PMM2: variants seen among roughly 807,000 people sequenced by gnomAD.
PMM2 encodes the protein mannose-6-phosphate isomerase.
In PMM2, 35 loss-of-function variants were observed where a neutral mutation model predicts 33.2. The observed-to-expected ratio is 1.06, with a 90% CI of 0.81 to 1.40. PMM2 has a LOEUF of 1.40. Among genes scored for constraint, PMM2 ranks in the 40% most tolerant of loss-of-function variants. The pLI, the probability that PMM2 is intolerant of heterozygous loss-of-function variation, is 0.00. For missense variants in PMM2, 386 were observed against 306.0 expected, an observed-to-expected ratio of 1.26 and a Z score of -1.95; for synonymous variants, 153 against 114.7, an observed-to-expected ratio of 1.33 and a Z score of -2.13.
intron 7 of PMM2, among the ~76,000 whole-genome samples, chr16:8,814,978 CTCTCCATCTCCCT>C (rs1397795667): frequency 6.6e-6 from 1 of 152,134 alleles, no homozygotes; most frequent in Non-Finnish European, 1.5e-5. Context: ...TGAACAACAA[CTCTCCATCTCCCT>C]CCTCCACCGC....
intron 7 of PMM2, chr16:8,829,058 G>T (rs79597562): frequency 6.6e-6 from 1 of 152,078 alleles, no homozygotes; most frequent in Non-Finnish European, 1.5e-5. Flanking sequence ...GCTCACTGCA[G>T]CCTCCACCCA....
chr16:8,817,855 T>C (rs1428571035), intron 7 of PMM2, among the ~76,000 whole-genome samples: 3 of 152,136 alleles, frequency 2.0e-5, no homozygotes, highest in African/African-American at 7.2e-5. Context: ...GTTTTCTTTC[T>C]CTTAACGTAT....
At chr16:8,844,365 G>A (rs943880709) in intron 7 of PMM2, among the ~76,000 whole-genome samples, 2 of 152,064 alleles carry the variant, frequency 1.3e-5, no homozygotes, top group Non-Finnish European at 2.9e-5. Context: ...CTCCAGAAAA[G>A]CGGGAAAGGG....
intron 1 of PMM2, among the ~76,000 whole-genome samples, chr16:8,800,664 CCTTTT>C (rs1270356089): frequency 2.1e-5 from 1 of 46,866 alleles, no homozygotes; most frequent in African/African-American, 6.8e-5. Flanking sequence ...CTAAGCTTCT[CCTTTT>C]TTTTTTTTTT....
chr16:8,836,237 C>G (rs1450333600), intron 7 of PMM2, among the ~76,000 whole-genome samples: 2 of 151,820 alleles, frequency 1.3e-5, no homozygotes, highest in East Asian at 1.9e-4. Flanking sequence ...GCTCGGCGTC[C>G]GTGATGGTTT....
intron 7 of PMM2, 43 bp downstream of exon 7, chr16:8,813,149 G>A (rs1205670285): frequency 5.8e-6 from 7 of 1,208,872 alleles, no homozygotes; most frequent in South Asian, 3.6e-5. Flanking sequence ...TTGCATTTGC[G>A]CTTGATGGGG....
chr16:8,798,825 C>G (rs1311760023), intron 1 of PMM2, among the ~76,000 whole-genome samples: 1 of 152,204 alleles, frequency 6.6e-6, no homozygotes, highest in Admixed American at 6.5e-5. Flanking sequence ...TCCTCAGCTT[C>G]TACCCTCACC....
chr16:8,847,391 A>AAG (rs2060933742), intron 7 of PMM2, among the ~76,000 whole-genome samples: 1 of 151,594 alleles, frequency 6.6e-6, no homozygotes, highest in Non-Finnish European at 1.5e-5. Flanking sequence ...AAAAAAAAAA[A>AAG]AACTGATGGC....
intron 2 of PMM2, chr16:8,802,212 A>G (rs1175543853): frequency 6.5e-6 from 3 of 459,934 alleles, no homozygotes; most frequent in Non-Finnish European, 1.3e-5. Flanking sequence ...ACCCGTTGAC[A>G]GCCCTTCTAG....
At chr16:8,801,247 C>A (rs1331307105) in intron 1 of PMM2, among the ~76,000 whole-genome samples, 1 of 152,206 alleles carries the variant, frequency 6.6e-6, no homozygotes, top group African/African-American at 2.4e-5. Flanking sequence ...CAGTGCACAA[C>A]AGCTACTAAC....
intron 7 of PMM2, 53 bp downstream of exon 7, chr16:8,813,159 G>A: frequency 8.8e-7 from 1 of 1,140,668 alleles, no homozygotes; most frequent in Non-Finnish European, 1.3e-6. Flanking sequence ...GCTTGATGGG[G>A]GAAATTGACA....
intron 7 of PMM2, among the ~76,000 whole-genome samples, chr16:8,824,941 T>C (rs1188526427): frequency 6.6e-6 from 1 of 152,218 alleles, no homozygotes; most frequent in Non-Finnish European, 1.5e-5. Flanking sequence ...TTTCATTGTC[T>C]CTCTCTGTCA....
At position 8,849,208 on chromosome 16, in the gene PMM2, A is replaced by C. The variant is rs1161880952; in HGVS notation, c.*1383A>C. ...GCCCCGGATCCGGTGGGGTGAAAGC[A>C]GCCAGCTCATCCCAGTGACTCACAG... is the stretch of plus-strand genomic sequence containing the variant. On this transcript the variant is annotated 3_prime_UTR_variant, in exon 8 of 8. Transcript: ENST00000268261. The C allele has an allele frequency of 4.6e-5, 7 of 152,384 alleles. No homozygotes were observed. Among genetic ancestry groups the C allele is most frequent in the African/African-American group, 1.7e-4 (7 of 41,464 alleles). The allele number at this position is 152,384 out of a possible 1,614,324, so 9.4% of individuals were successfully genotyped here. A position where few individuals can be genotyped will look rare whatever the true frequency, so the allele number is the denominator to read the frequency against.
chr16:8,843,979 G>T lies in PMM2; in HGVS notation c.640-3745G>T, dbSNP rs193117818. 4.0e-4 allele frequency among the ~76,000 whole-genome samples: 61 copies of T among 152,142 alleles called. 2 individuals carry two copies. In the South Asian group the frequency reaches 0.012, roughly 31 times the overall value. On this transcript the variant is annotated intron_variant, in intron 7 of 7. Transcript: ENST00000268261. ...GAGGGAAAGAAGGAAGATTTGGGAC[G>T]AGTTGCACTGGGCACAGAGACTAGG... is the stretch of plus-strand genomic sequence containing the variant.
rs139410397 is a variant in PMM2, at chr16:8,825,074, A to G, written c.639+11968A>G. Among the ~76,000 whole-genome samples, 632 of 152,364 alleles carry G rather than the reference A, an allele frequency of 4.1e-3. 9 individuals are homozygous for G. The highest frequency in any genetic ancestry group is 0.014 in the African/African-American group (599 of 41,580). ...GAGGTGGAGTCTCGCTCTGTTGCCC[A>G]GGCTGGAGTACAGTGGCACGATCTC... On this transcript the variant is annotated intron_variant, in intron 7 of 7. Transcript: ENST00000268261.
At chr16:8,845,081 G>A (rs35025694) in intron 7 of PMM2, among the ~76,000 whole-genome samples, 22,039 of 152,180 alleles carry the variant, frequency 0.14, 1,721 homozygotes, top group East Asian at 0.23. Context: ...TGAGCAACAT[G>A]GCTGTTTATT....
At chr16:8,841,093 C>T (rs1462792975) in intron 7 of PMM2, among the ~76,000 whole-genome samples, 1 of 151,948 alleles carries the variant, frequency 6.6e-6, no homozygotes, top group Non-Finnish European at 1.5e-5. Flanking sequence ...CTGTCCAATC[C>T]TTTTTAAGTT....
intron 5 of PMM2, 59 bp downstream of exon 5, chr16:8,811,237 C>CT: frequency 3.5e-6 from 4 of 1,130,822 alleles, no homozygotes; most frequent in Non-Finnish European, 5.2e-6. Flanking sequence ...AAGATATGGC[C>CT]TGGTGTGGTG....
At chr16:8,840,601 T>C (rs1193438120) in intron 7 of PMM2, among the ~76,000 whole-genome samples, 4 of 152,026 alleles carry the variant, frequency 2.6e-5, no homozygotes, top group Non-Finnish European at 4.4e-5. Context: ...ATAAGGGTTA[T>C]GACTGTTCTT....
Sources: allele counts gnomAD v4.1 joint callset (sites outside exome capture counted in the v4.1 genomes callset), GRCh38; gene constraint gnomAD v4.1.1; transcripts MANE v1.5; gene names NCBI Gene and HGNC (gene_info 2026-07-23, HGNC 2026-07-21).